The following TENT5D variants were observed in gnomAD, a reference collection of about 807,000 sequenced individuals.
TENT5D encodes the protein cancer/testis antigen 112.
For missense variants in TENT5D, 191 were observed against 287.0 expected (o/e 0.67, Z 2.42); for synonymous variants, 103 against 100.6 (o/e 1.02, Z -0.15).
intron 3 of TENT5D, chrX:80,342,628 A>G (rs1929981837): frequency 8.9e-6 from 1 of 112,353 alleles, no homozygotes; most frequent in African/African-American, 3.2e-5. Flanking sequence ...GGATTATTTA[A>G]CTTGTTAAAG....
chrX:80,356,167 A>G (rs1462396865), intron 3 of TENT5D, among the ~76,000 whole-genome samples: 1 of 112,611 alleles, frequency 8.9e-6, no homozygotes, highest in African/African-American at 3.2e-5. Flanking sequence ...TTGGAGAAAT[A>G]TGCAAATGTT....
intron 2 of TENT5D, among the ~76,000 whole-genome samples, chrX:80,337,360 C>T (rs1929871452): frequency 9.0e-6 from 1 of 111,496 alleles, no homozygotes. Flanking sequence ...TTTCTAATCA[C>T]ATTTATTTTC....
intron 3 of TENT5D, among the ~76,000 whole-genome samples, chrX:80,352,670 C>T (rs770867598): frequency 1.1e-5 from 1 of 93,046 alleles, no homozygotes. Context: ...GGAATGAATG[C>T]TTCTGTCTCT....
intron 2 of TENT5D, among the ~76,000 whole-genome samples, chrX:80,338,483 TC>T (rs1312626928): frequency 2.7e-5 from 3 of 112,422 alleles, no homozygotes; most frequent in African/African-American, 9.7e-5. Flanking sequence ...AAATTGTAAT[TC>T]CTCTGTAAAT....
At chrX:80,436,947 A>G (rs1367362335) in intron 1 of TENT5D, among the ~76,000 whole-genome samples, 2 of 111,676 alleles carry the variant, frequency 1.8e-5, no homozygotes, top group Admixed American at 9.5e-5. Context: ...TGCTTTTACT[A>G]TATTTGGTAT....
chrX:80,373,095 A>C (rs1279398344), intron 3 of TENT5D, among the ~76,000 whole-genome samples: 1 of 111,011 alleles, frequency 9.0e-6, no homozygotes, highest in East Asian at 2.8e-4. Context: ...GTATGTTGCT[A>C]TTGCCTATTT....
At chrX:80,412,458 C>G (rs777340412) in intron 3 of TENT5D, among the ~76,000 whole-genome samples, 168 of 112,769 alleles carry the variant, frequency 1.5e-3, no homozygotes, top group African/African-American at 5.2e-3. Context: ...TTCTTTTCCA[C>G]TGCATTGTCA....
intron 2 of TENT5D, among the ~76,000 whole-genome samples, chrX:80,339,703 A>G (rs1411806805): frequency 9.0e-6 from 1 of 110,806 alleles, no homozygotes; most frequent in Non-Finnish European, 1.9e-5. Flanking sequence ...AGCTGAATGT[A>G]GGATTTAAAT....
At chrX:80,367,196 AGTTTTAAAATTT>A (rs1327431003) in intron 3 of TENT5D, among the ~76,000 whole-genome samples, 1 of 111,591 alleles carries the variant, frequency 9.0e-6, no homozygotes, top group Non-Finnish European at 1.9e-5. Context: ...CTTTACTATG[AGTTTTAAAATTT>A]GTCTTAACAT....
At chrX:80,444,738 G>T (rs1932353027) in exon 3 of TENT5D, 1 of 122,713 alleles carries the variant, frequency 8.1e-6, no homozygotes, top group Non-Finnish European at 1.9e-5. Flanking sequence ...CCACTCAAGT[G>T]CCTCTTCGTG....
chrX:80,357,811 C>G (rs1446649699), intron 3 of TENT5D, among the ~76,000 whole-genome samples: 6 of 111,474 alleles, frequency 5.4e-5, no homozygotes, highest in Non-Finnish European at 1.9e-5. Context: ...TGGAAAAAAA[C>G]TACTTTAAAG....
intron 3 of TENT5D, among the ~76,000 whole-genome samples, chrX:80,349,139 C>T (rs953538769): frequency 1.8e-5 from 2 of 111,874 alleles, no homozygotes; most frequent in African/African-American, 6.5e-5. Flanking sequence ...TTTGTCTCTA[C>T]CAGATTTTGG....
Position 80,401,878 on chromosome X carries a change from T to A in TENT5D, c.-141-36732T>A, listed in dbSNP as rs144803316. On this transcript the variant is annotated intron_variant, in intron 3 of 4. Coordinates refer to the TENT5D transcript ENST00000538312. ...CTGTAGGTTTCTTTTCTTGTGACAT[T>A]CTTCATTTGGCATTGGCATCAGGAT... Among the ~76,000 whole-genome samples the A allele has an allele frequency of 6.3e-3, 704 of 112,227 alleles. 7 individuals are homozygous for A. The highest frequency in any genetic ancestry group is 0.01 in the Non-Finnish European group (540 of 53,169).
At chrX:80,353,824 T>A (rs111363203) in intron 3 of TENT5D, among the ~76,000 whole-genome samples, 1,177 of 112,471 alleles carry the variant, frequency 0.01, 24 homozygotes, top group African/African-American at 0.036. Flanking sequence ...GAATGGTAGA[T>A]CTGCTTTAAA....
At chrX:80,409,400 G>A (rs1931585065) in intron 3 of TENT5D, among the ~76,000 whole-genome samples, 4 of 111,188 alleles carry the variant, frequency 3.6e-5, no homozygotes, top group Admixed American at 1.9e-4. Flanking sequence ...CTTCAGCAAA[G>A]TCTCAGGATA....
intron 1 of TENT5D, among the ~76,000 whole-genome samples, chrX:80,434,537 T>C (rs1932146622): frequency 8.9e-6 from 1 of 111,770 alleles, no homozygotes; most frequent in African/African-American, 3.2e-5. Flanking sequence ...CGTTTGTGAG[T>C]GGCTATAAAT....
chrX:80,370,134 G>T (rs770512227), intron 3 of TENT5D, among the ~76,000 whole-genome samples: 1 of 108,758 alleles, frequency 9.2e-6, no homozygotes, highest in East Asian at 2.9e-4. Flanking sequence ...TAGAGATAGA[G>T]TCTCACTGTG....
chrX:80,370,381 G>C (rs1439661403), intron 3 of TENT5D, among the ~76,000 whole-genome samples: 1 of 111,637 alleles, frequency 9.0e-6, no homozygotes, highest in Non-Finnish European at 1.9e-5. Context: ...GTACTTTTCT[G>C]ATTATAAAAT....
At chrX:80,405,699 G>T (rs1419443786) in intron 3 of TENT5D, among the ~76,000 whole-genome samples, 2 of 108,078 alleles carry the variant, frequency 1.9e-5, no homozygotes, top group Non-Finnish European at 3.8e-5. Context: ...CATTGCCCAG[G>T]CTTGCTTAGG....
Sources: gnomAD v4.1 joint callset for allele counts (sites outside exome capture counted in the v4.1 genomes callset) on GRCh38, gnomAD v4.1.1 for gene constraint, MANE v1.5 for transcripts, NCBI Gene and HGNC (gene_info 2026-07-23, HGNC 2026-07-21) for gene names.